TMEM117: variants seen among roughly 807,000 people sequenced by gnomAD.
TMEM117 encodes the protein transmembrane protein 117.
Under a neutral mutation model 52.4 loss-of-function variants are expected in TMEM117, and 27 were observed. That is an observed-to-expected ratio of 0.51 (90% confidence interval 0.38 to 0.71). The LOEUF (loss-of-function observed/expected upper bound fraction) is 0.71. Ranked by LOEUF, TMEM117 falls within the 30% of genes least tolerant of loss-of-function variation. The probability of loss-of-function intolerance (pLI) is 0.00; values close to 1 mark genes in which losing one functional copy is unlikely to be tolerated. For missense variants in TMEM117, 556 were observed against 630.5 expected (o/e 0.88, Z 1.26); for synonymous variants, 215 against 206.3 (o/e 1.04, Z -0.36).
At chr12:44,392,587 T>G (rs564074247), downstream of TMEM117, among the ~76,000 whole-genome samples, 108 of 152,086 alleles carry the variant, frequency 7.1e-4, no homozygotes, top group African/African-American at 2.5e-3. Context: ...GTTAGTTACA[T>G]ATGTATACAT....
chr12:43,957,931 CT>C (rs1242011552), intron 3 of TMEM117, among the ~76,000 whole-genome samples: 13 of 152,148 alleles, frequency 8.5e-5, no homozygotes, highest in Non-Finnish European at 2.9e-5. Flanking sequence ...AAAAGAGCCA[CT>C]TGATGGCAGC....
At chr12:44,014,574 A>G (rs1447352952) in intron 3 of TMEM117, among the ~76,000 whole-genome samples, 4 of 152,166 alleles carry the variant, frequency 2.6e-5, no homozygotes, top group Non-Finnish European at 2.9e-5. Context: ...CTAACCTCCT[A>G]TTATTTGTTA....
chr12:43,908,873 CTT>C (rs1330702771), intron 2 of TMEM117, among the ~76,000 whole-genome samples: 1 of 146,670 alleles, frequency 6.8e-6, no homozygotes, highest in Non-Finnish European at 1.5e-5. Flanking sequence ...TACAAAGAGA[CTT>C]AGACTCCCAC....
chr12:43,967,053 T>C (rs1039645861), intron 3 of TMEM117, among the ~76,000 whole-genome samples: 1 of 152,168 alleles, frequency 6.6e-6, no homozygotes, highest in African/African-American at 2.4e-5. Context: ...TCTTTTCCCC[T>C]TAAGTATAGG....
chr12:44,160,132 T>C (rs967150766), intron 4 of TMEM117, among the ~76,000 whole-genome samples: 1 of 152,188 alleles, frequency 6.6e-6, no homozygotes, highest in East Asian at 1.9e-4. Context: ...GTACCGAGAA[T>C]GTGTAGATGT....
the TMEM117 span, among the ~76,000 whole-genome samples, chr12:43,806,995 C>T: frequency 6.6e-6 from 1 of 152,170 alleles, no homozygotes; most frequent in Non-Finnish European, 1.5e-5. Context: ...ATTATTTAAT[C>T]CAGTAATTAT....
intron 3 of TMEM117, among the ~76,000 whole-genome samples, chr12:43,983,183 T>C (rs1349247877): frequency 1.3e-5 from 2 of 152,176 alleles, no homozygotes; most frequent in African/African-American, 2.4e-5. Flanking sequence ...TCTGGCTGTT[T>C]GCAGGACTAC....
At chr12:44,279,522 T>A (rs1950553010) in intron 5 of TMEM117, among the ~76,000 whole-genome samples, 1 of 150,930 alleles carries the variant, frequency 6.6e-6, no homozygotes, top group Non-Finnish European at 1.5e-5. Context: ...CTTCTTTTTT[T>A]TTTTTTTTTG....
intron 4 of TMEM117, among the ~76,000 whole-genome samples, chr12:44,188,558 C>G (rs375756547): frequency 2.6e-5 from 4 of 152,070 alleles, no homozygotes; most frequent in East Asian, 3.9e-4. Flanking sequence ...TAGAGATAAT[C>G]AACGCACTTT....
intron 3 of TMEM117, among the ~76,000 whole-genome samples, chr12:43,974,297 TCTTTTAAGTATTTTATAAAGG>T (rs1565776665): frequency 6.6e-6 from 1 of 152,170 alleles, no homozygotes; most frequent in Non-Finnish European, 1.5e-5. Flanking sequence ...AATATTAAAG[TCTTTTAAGTATTTTATAAAGG>T]CTTTTAAGTA....
chr12:44,370,850 A>G (rs756378588), intron 6 of TMEM117, among the ~76,000 whole-genome samples: 1 of 152,126 alleles, frequency 6.6e-6, no homozygotes, highest in Non-Finnish European at 1.5e-5. Context: ...TCAATTCAAC[A>G]AATATTTGAG....
intron 2 of TMEM117, among the ~76,000 whole-genome samples, chr12:43,936,339 T>C (rs2137593198): frequency 6.6e-6 from 1 of 152,306 alleles, no homozygotes; most frequent in East Asian, 1.9e-4. Flanking sequence ...ATAGGTCAAG[T>C]TGCAAATAGT....
intron 5 of TMEM117, chr12:44,249,126 T>A (rs1449557474): frequency 1.3e-5 from 2 of 152,200 alleles, no homozygotes; most frequent in Non-Finnish European, 1.5e-5. Context: ...GCATCTCACA[T>A]AGCAGAGCAG....
chr12:43,818,712 G>A, the TMEM117 span, among the ~76,000 whole-genome samples: 2 of 151,948 alleles, frequency 1.3e-5, no homozygotes, highest in East Asian at 3.9e-4. Context: ...CAAAGTGCTG[G>A]GATTACAGGC....
the TMEM117 span, among the ~76,000 whole-genome samples, chr12:43,798,004 G>A: frequency 2.0e-4 from 30 of 152,090 alleles, no homozygotes; most frequent in South Asian, 4.1e-4. Context: ...AACATGCAGA[G>A]TGCATGACAC....
intron 2 of TMEM117, among the ~76,000 whole-genome samples, chr12:43,940,114 CT>C (rs1407911689): frequency 1.3e-5 from 2 of 152,164 alleles, no homozygotes; most frequent in Non-Finnish European, 2.9e-5. Context: ...CCCTTGATAC[CT>C]TGGCCTTGAC....
At position 44,200,105 on chromosome 12, in the gene TMEM117, C is replaced by T. The variant is rs139048488; in HGVS notation, c.511-11185C>T. 4.9e-3 allele frequency among the ~76,000 whole-genome samples: 743 copies of T among 152,088 alleles called. 5 individuals carry two copies. Among genetic ancestry groups the T allele is most frequent in the African/African-American group, 0.016 (680 of 41,470 alleles). ...CTGCACTCTGGCCTGGGCATTAGAG[C>T]GAGACTCCATCTCAAAAAACACACA... On this transcript the variant is annotated intron_variant, in intron 4 of 7. Coordinates refer to ENST00000266534, the MANE Select transcript of TMEM117 (RefSeq NM_032256.3).
intron 5 of TMEM117, among the ~76,000 whole-genome samples, chr12:44,279,812 C>G (rs981600229): frequency 8.5e-5 from 13 of 152,158 alleles, no homozygotes; most frequent in African/African-American, 2.9e-4. Flanking sequence ...GCGCACCCGG[C>G]CTACAATTTT....
At chr12:44,398,762 A>C in the TMEM117 span, among the ~76,000 whole-genome samples, 1 of 152,238 alleles carries the variant, frequency 6.6e-6, no homozygotes. Context: ...AAACCAACTG[A>C]AATAATGCCA....
Sources: gnomAD v4.1 joint callset for allele counts (sites outside exome capture counted in the v4.1 genomes callset) on GRCh38, gnomAD v4.1.1 for gene constraint, MANE v1.5 for transcripts, NCBI Gene and HGNC (gene_info 2026-07-23, HGNC 2026-07-21) for gene names.